The following SLC24A3 variants were observed in gnomAD, a reference collection of about 807,000 sequenced individuals.
The protein encoded by SLC24A3 is solute carrier family 24 member 3, also known as sodium/potassium/calcium exchanger 3.
Under a neutral mutation model 75.8 loss-of-function variants are expected in SLC24A3, and 28 were observed. The observed-to-expected ratio is 0.37, with a 90% CI of 0.27 to 0.51. The LOEUF is 0.51. SLC24A3 is among the 20% of genes least tolerant of loss of function. The probability of loss-of-function intolerance (pLI) is 0.94; values close to 1 mark genes in which losing one functional copy is unlikely to be tolerated. For missense variants in SLC24A3, 663 were observed against 847.8 expected, an observed-to-expected ratio of 0.78 and a Z score of 2.71; for synonymous variants, 372 against 334.1, an observed-to-expected ratio of 1.11 and a Z score of -1.24.
chr20:19,369,555 T>C (rs1985955772), intron 2 of SLC24A3, among the ~76,000 whole-genome samples: 1 of 152,244 alleles, frequency 6.6e-6, no homozygotes, highest in African/African-American at 2.4e-5. Flanking sequence ...GAATAAAGTC[T>C]AACATAGATT....
At chr20:19,488,570 C>A (rs937056575) in intron 2 of SLC24A3, among the ~76,000 whole-genome samples, 2 of 152,162 alleles carry the variant, frequency 1.3e-5, no homozygotes, top group African/African-American at 4.8e-5. Context: ...ATTACTGTCA[C>A]CACCAGGAAA....
chr20:19,545,785 TC>T (rs1394421002), intron 3 of SLC24A3, among the ~76,000 whole-genome samples: 1 of 152,218 alleles, frequency 6.6e-6, no homozygotes, highest in African/African-American at 2.4e-5. Context: ...TTTTTGCTTT[TC>T]CTGATGTAAA....
intron 2 of SLC24A3, among the ~76,000 whole-genome samples, chr20:19,311,069 CTTTTTTCCTTCCTTGCCTTCCCTTCA>C (rs1467006394): frequency 1.3e-5 from 2 of 151,148 alleles, no homozygotes; most frequent in East Asian, 3.9e-4. Flanking sequence ...CCTTCCCTTC[CTTTTTTCCTTCCTTGCCTTCCCTTCA>C]TTTTTTCCTT....
chr20:19,357,213 C>A (rs1352563838), intron 2 of SLC24A3, among the ~76,000 whole-genome samples: 2 of 152,048 alleles, frequency 1.3e-5, no homozygotes, highest in Non-Finnish European at 2.9e-5. Context: ...CTGGCAGCCC[C>A]CAGAAGCTGA....
intron 6 of SLC24A3, among the ~76,000 whole-genome samples, chr20:19,646,905 A>G (rs559829335): frequency 6.6e-6 from 1 of 151,120 alleles, no homozygotes; most frequent in Admixed American, 6.6e-5. Context: ...TACTGTGTAA[A>G]TCCACATTTT....
intron 2 of SLC24A3, among the ~76,000 whole-genome samples, chr20:19,353,124 G>A (rs953350377): frequency 6.6e-5 from 10 of 152,216 alleles, no homozygotes; most frequent in African/African-American, 2.4e-4. Flanking sequence ...ATACTAGCTA[G>A]GTTTGTGTAA....
At chr20:19,349,802 A>G (rs960490520) in intron 2 of SLC24A3, among the ~76,000 whole-genome samples, 5 of 152,152 alleles carry the variant, frequency 3.3e-5, no homozygotes, top group Admixed American at 3.3e-4. Context: ...CCAAATTCAG[A>G]TTGAATGACT....
At chr20:19,427,110 T>C (rs1987022193) in intron 2 of SLC24A3, among the ~76,000 whole-genome samples, 1 of 152,084 alleles carries the variant, frequency 6.6e-6, no homozygotes, top group Admixed American at 6.5e-5. Context: ...TGTGTATGCA[T>C]ATGTGTGCAC....
chr20:19,668,695 T>G (rs560415763), intron 8 of SLC24A3, among the ~76,000 whole-genome samples: 83 of 152,334 alleles, frequency 5.4e-4, no homozygotes, highest in African/African-American at 1.9e-3. Flanking sequence ...GGAAGTCACA[T>G]TCAGTCAAAA....
intron 2 of SLC24A3, among the ~76,000 whole-genome samples, chr20:19,305,723 C>T (rs1340205732): frequency 6.6e-6 from 1 of 152,036 alleles, no homozygotes; most frequent in African/African-American, 2.4e-5. Context: ...GAAACTAGAC[C>T]CCATTCTTTC....
At chr20:19,359,991 G>T (rs742820) in intron 2 of SLC24A3, among the ~76,000 whole-genome samples, 2 of 151,944 alleles carry the variant, frequency 1.3e-5, no homozygotes, top group South Asian at 2.1e-4. Flanking sequence ...AGGTCTGTCA[G>T]TCCAGTCTAC....
At chr20:19,496,374 G>A (rs1988287690) in intron 2 of SLC24A3, among the ~76,000 whole-genome samples, 2 of 152,178 alleles carry the variant, frequency 1.3e-5, no homozygotes, top group Admixed American at 6.5e-5. Flanking sequence ...GGTTCACTCA[G>A]GACCCTGTCA....
At chr20:19,216,125 T>C (rs1981545788) in intron 1 of SLC24A3, among the ~76,000 whole-genome samples, 1 of 152,240 alleles carries the variant, frequency 6.6e-6, no homozygotes. Flanking sequence ...ATTTAGTTGT[T>C]ATGGATGAAG....
chr20:19,482,693 A>C (rs770097324), intron 2 of SLC24A3, among the ~76,000 whole-genome samples: 2 of 152,190 alleles, frequency 1.3e-5, no homozygotes, highest in Non-Finnish European at 2.9e-5. Flanking sequence ...TTCCCATTGG[A>C]GGATTGTTCT....
chr20:19,436,725 G>A (rs1285163114), intron 2 of SLC24A3, among the ~76,000 whole-genome samples: 2 of 152,156 alleles, frequency 1.3e-5, no homozygotes, highest in Admixed American at 6.5e-5. Flanking sequence ...GGGATAATGG[G>A]ACTCTCTCCC....
In SLC24A3 at chr20:19,418,330, A is replaced by G. The variant is rs149074867; in HGVS notation, c.272-97158A>G. Among the ~76,000 whole-genome samples the G allele has an allele frequency of 1.8e-3, 273 of 152,332 alleles. 1 individual carries two copies. Among genetic ancestry groups the G allele is most frequent in the African/African-American group, 6.1e-3 (253 of 41,576 alleles). ...TGTATAAAAAGAACATTCAGAGAAC[A>G]CAATAGAGCTCTTGGAAATAAAAAT... On this transcript the variant is annotated intron_variant, in intron 2 of 16. Transcript: ENST00000328041.
intron 2 of SLC24A3, among the ~76,000 whole-genome samples, chr20:19,436,194 C>T (rs754054525): frequency 1.9e-4 from 29 of 152,144 alleles, no homozygotes; most frequent in Admixed American, 7.9e-4. Context: ...TATAATAGTA[C>T]TTATGTTTTC....
At chr20:19,691,572 T>C (rs937871440) in intron 12 of SLC24A3, among the ~76,000 whole-genome samples, 1 of 152,142 alleles carries the variant, frequency 6.6e-6, no homozygotes, top group African/African-American at 2.4e-5. Context: ...GGAGGTAGGA[T>C]AGGCATTGGA....
intron 6 of SLC24A3, among the ~76,000 whole-genome samples, chr20:19,609,234 C>T (rs1169123910): frequency 1.3e-5 from 2 of 152,024 alleles, no homozygotes; most frequent in African/African-American, 2.4e-5. Context: ...ATCTTATGTT[C>T]TTCTACCATT....
Sources: gnomAD v4.1 joint callset for allele counts (sites outside exome capture counted in the v4.1 genomes callset) on GRCh38, gnomAD v4.1.1 for gene constraint, MANE v1.5 for transcripts, NCBI Gene and HGNC (gene_info 2026-07-23, HGNC 2026-07-21) for gene names.